The following RASIP1 variants were observed in gnomAD, a reference collection of about 807,000 sequenced individuals.
The protein encoded by RASIP1 is ras-interacting protein 1.
A neutral mutation model predicts 85.3 loss-of-function variants in RASIP1; 20 were observed. The ratio of observed to expected loss-of-function variants is 0.23; its 90% CI spans 0.17 to 0.34. The LOEUF is 0.34. Among genes scored for constraint, RASIP1 ranks in the 10% least tolerant of loss-of-function variants. The pLI is 1.00. For missense variants in RASIP1, 1,170 were observed against 1,390.9 expected (o/e 0.84, Z 2.53); for synonymous variants, 617 against 647.1 (o/e 0.95, Z 0.71).
Position 48,738,944 on chromosome 19 carries a change from C to G in RASIP1, c.823+16G>C. On this transcript the variant is annotated intron_variant, in intron 3 of 11. Transcript: ENST00000222145. This position sits in a 1 kb window ranked among gnomAD's most constrained non-coding sequence, Gnocchi z 4.0. ...TGGCACCGAGTCCCCGCCCCAGAGC[C>G]CCGCCCGCCGCTCACCTTCGCTGTC... 1 of 1,211,980 alleles carries G rather than the reference C, an allele frequency of 8.3e-7. No homozygotes were observed. Among genetic ancestry groups the G allele is most frequent in the Non-Finnish European group, 1.0e-6 (1 of 975,726 alleles). The allele number at this position is 1,211,980 out of a possible 1,614,324, so 75.1% of individuals were successfully genotyped here. A position where few individuals can be genotyped will look rare whatever the true frequency, so the allele number is the denominator to read the frequency against.
In RASIP1 at chr19:48,727,554, G is replaced by A; in HGVS notation, c.1834-124C>T. On this transcript the variant is annotated intron_variant, in intron 5 of 11. Transcript: ENST00000222145. ...CTGGTCCTACTTTTCTTAGAGATGG[G>A]GTCTTACTATGTTGCCACCGGTGGT... The A allele has an allele frequency of 6.7e-6, 7 of 1,048,064 alleles. 1 individual carries two copies. Among genetic ancestry groups the A allele is most frequent in the Middle Eastern group, 4.3e-4 (2 of 4,700 alleles). 64.9% of individuals were successfully genotyped at this position (1,048,064 alleles called of 1,614,324 possible).
chr19:48,732,964 T>C (rs1355455442), intron 4 of RASIP1, among the ~76,000 whole-genome samples: 3 of 152,236 alleles, frequency 2.0e-5, no homozygotes, highest in Non-Finnish European at 4.4e-5. Context: ...CTTGTTTAGC[T>C]TGGCTGTACC....
chr19:48,733,322 GACA>G (rs2033497040), intron 4 of RASIP1, among the ~76,000 whole-genome samples: 1 of 152,162 alleles, frequency 6.6e-6, no homozygotes, highest in Admixed American at 6.6e-5. Context: ...ACTGTGCCCA[GACA>G]ACATGTTACA....
At position 48,724,873 on chromosome 19, in the gene RASIP1, C is replaced by T. The variant is rs745926016; in HGVS notation, c.2215G>A (p.Ala739Thr). 7 of 1,614,114 alleles carry T rather than the reference C, an allele frequency of 4.3e-6. No homozygotes were observed. Among genetic ancestry groups the T allele is most frequent in the Non-Finnish European group, 5.9e-6 (7 of 1,180,056 alleles). The change falls in exon 9 of 12, where the codon GCC becomes ACC. Residue 739 changes from alanine to threonine, a missense_variant. Ala to Thr is a moderately conservative substitution (Grantham distance 58, BLOSUM62 0). Transcript: ENST00000222145. This position sits in a 1 kb window ranked among gnomAD's most constrained non-coding sequence, Gnocchi z 4.6. ...ELPGPGAELG[A>T]MPPGLRPTLG... is the part of the protein sequence containing the mutation. ...GTAGGTCTCAATCCTGGAGGCATGG[C>T]CCCCAGCTCCGCGCCAGGCCCCGGC...
chr19:48,735,924 T>A (rs1291137223), intron 3 of RASIP1, among the ~76,000 whole-genome samples: 1 of 151,654 alleles, frequency 6.6e-6, no homozygotes, highest in East Asian at 2.0e-4. Flanking sequence ...GCCTCCCAAG[T>A]AGCTGGGATT....
Position 48,720,876 on chromosome 19 carries a change from G to A in RASIP1, c.2814C>T (p.Arg938=), listed in dbSNP as rs1293660060. The part of the protein sequence containing the change: ...DALHRELRRL[R]RLLWDLEQQE... ...GCTGCTCAAGATCCCAGAGGAGGCG[G>A]CGGAGCCTACGGAGTTCACGGTGCA... is the stretch of plus-strand genomic sequence containing the variant. The change falls in exon 12 of 12, where the codon CGC becomes CGT. Residue 938 remains arginine, a synonymous_variant. Transcript: ENST00000222145. 1 of 1,614,070 alleles carries A rather than the reference G, an allele frequency of 6.2e-7. No individual in the cohort carries two copies. The highest frequency in any genetic ancestry group is 1.7e-5 in the Admixed American group (1 of 60,034).
At chr19:48,736,894 A>G (rs2033582864) in intron 3 of RASIP1, among the ~76,000 whole-genome samples, 1 of 152,082 alleles carries the variant, frequency 6.6e-6, no homozygotes, top group African/African-American at 2.4e-5. Context: ...AAAATCAGCC[A>G]GGCGTGGTAG....
Position 48,721,936 on chromosome 19 carries a change from G to A in RASIP1, c.2610C>T (p.Leu870=), listed in dbSNP as rs1184084745. The stretch of plus-strand genomic sequence containing the variant: ...GGCCAGGGCCCAGCTGATAGTGGCT[G>A]AGCAGATGGTGCAGCTGGGCGGGGG... ...TLTPAQLHHL[L]SHYQLGPGRG... is the part of the protein sequence containing the mutation. The change falls in exon 11 of 12, where the codon CTC becomes CTT. Residue 870 remains leucine, a synonymous_variant. Coordinates refer to ENST00000222145, the MANE Select transcript of RASIP1 (RefSeq NM_017805.3). 1 of 1,584,352 alleles carries A rather than the reference G, an allele frequency of 6.3e-7. No individual in the cohort carries two copies. The highest frequency in any genetic ancestry group is 8.6e-7 in the Non-Finnish European group (1 of 1,164,952).
In RASIP1 at chr19:48,740,261, C is replaced by T. The variant is rs941880305; in HGVS notation, c.22G>A (p.Glu8Lys). 1 of 1,588,666 alleles carries T rather than the reference C, an allele frequency of 6.3e-7. No homozygotes were observed. The highest frequency in any genetic ancestry group is 1.4e-5 in the African/African-American group (1 of 72,652). Residue 8 changes from glutamate to lysine, a missense_variant, in exon 2 of 12, where the codon GAG becomes AAG. Physicochemically the swap from Glu to Lys is moderately conservative, Grantham distance 56. Coordinates refer to ENST00000222145, the MANE Select transcript of RASIP1 (RefSeq NM_017805.3). The surrounding 1 kb of genome is among the most constrained non-coding windows in gnomAD (Gnocchi z 5.5). Reference sequence around the variant, plus strand: ...TTCCCGAAGCGGGGGCTTCCGCCCTCCTTCCGTTCACCAGACAGCATGGCC... The same window carrying T: ...TTCCCGAAGCGGGGGCTTCCGCCCTTCTTCCGTTCACCAGACAGCATGGCC... MLSGERKEGGSPRFGKLH... is the reference protein window; with the variant it reads MLSGERKKGGSPRFGKLH...
intron 6 of RASIP1, 46 bp from the exon 7 acceptor site, chr19:48,727,204 A>G: frequency 3.7e-6 from 6 of 1,608,024 alleles, no homozygotes; most frequent in Non-Finnish European, 5.1e-6. Flanking sequence ...AACCCTCATC[A>G]TAGTTTACAA....
At position 48,728,984 on chromosome 19, in the gene RASIP1, G is replaced by A; in HGVS notation, c.1786C>T (p.Pro596Ser). 6.9e-7 allele frequency: 1 copy of A among 1,456,486 alleles called. No individual in the cohort carries two copies. 90.2% of individuals were successfully genotyped at this position (1,456,486 alleles called of 1,614,324 possible). Reference protein sequence around the residue: ...SARELELGHLPRLLGRLARLI... With the variant: ...SARELELGHLSRLLGRLARLI... Reference sequence around the variant, plus strand: ...CGGGCCAGGCGGCCCAGCAGTCGTGGCAGGTGGCCCAGCTCCAGCTCACGG... The same window carrying A: ...CGGGCCAGGCGGCCCAGCAGTCGTGACAGGTGGCCCAGCTCCAGCTCACGG... Residue 596 changes from proline (P) to serine (S), a missense_variant, in exon 5 of 12, where the codon CCA becomes TCA. This residue lies in a region of RASIP1 where 426 missense variants were observed against 576.2 expected (regional missense o/e 0.74). Coordinates refer to ENST00000222145, the MANE Select transcript of RASIP1 (RefSeq NM_017805.3).
rs763816619 is a variant in RASIP1, at chr19:48,721,012, G to A, written c.2693-15C>T. On this transcript the variant is annotated splice_polypyrimidine_tract_variant and intron_variant, in intron 11 of 11. Transcript: ENST00000222145. ...GAAGATGTCCCCTGTGAGGCCGAAG[G>A]CGGCGCGGTTAGAGTCTGAAAGTGG... 4 of 1,575,314 alleles carry A rather than the reference G, an allele frequency of 2.5e-6. No individual in the cohort carries two copies. The African/African-American group carries it at 5.4e-5, about 21-fold the overall frequency.
Position 48,724,256 on chromosome 19 carries a change from C to A in RASIP1, c.2544+81G>T, listed in dbSNP as rs1253904200. ...GCATGGGGTTCAAGGGGAGCTCTGA[C>A]GGTGAGCTGAATATAGAAGGTGGCT... On this transcript the variant is annotated intron_variant, in intron 10 of 11. Coordinates refer to ENST00000222145, the MANE Select transcript of RASIP1 (RefSeq NM_017805.3). This position sits in a 1 kb window ranked among gnomAD's most constrained non-coding sequence, Gnocchi z 4.6. 1.0e-5 allele frequency: 15 copies of A among 1,453,846 alleles called. No homozygotes were observed. In the Admixed American group the frequency reaches 1.8e-4, roughly 17 times the overall value. 90.1% of individuals were successfully genotyped at this position (1,453,846 alleles called of 1,614,324 possible).
At position 48,739,924 on chromosome 19, in the gene RASIP1, C is replaced by T. The variant is rs1040285029; in HGVS notation, c.137+222G>A. Among the ~76,000 whole-genome samples the T allele has an allele frequency of 6.6e-6, 1 of 152,118 alleles. No homozygotes were observed. Among genetic ancestry groups the T allele is most frequent in the Non-Finnish European group, 1.5e-5 (1 of 68,004 alleles). On this transcript the variant is annotated intron_variant, in intron 2 of 11. Coordinates refer to ENST00000222145, the MANE Select transcript of RASIP1 (RefSeq NM_017805.3). This position sits in a 1 kb window ranked among gnomAD's most constrained non-coding sequence, Gnocchi z 9.2. ...AATCAATCCCCCTGCTCCTTCTGTC[C>T]CCGTCCCCGTGCCCATCCGGCCTCA... is the stretch of plus-strand genomic sequence containing the variant.
Position 48,727,134 on chromosome 19 carries a change from C to A in RASIP1, c.1896G>T (p.Val632=), listed in dbSNP as rs1339855710. 3 of 1,613,992 alleles carry A rather than the reference C, an allele frequency of 1.9e-6. No individual in the cohort carries two copies. Among genetic ancestry groups the A allele is most frequent in the South Asian group, 1.1e-5 (1 of 91,080 alleles). ...CAGACACAGCTTCAGGAGTCAGGGG[C>A]ACCTCGGGGACCCCCTCAGGGTGGC... The part of the protein sequence containing the change: ...PENHPEGVPE[V]PLTPEAVSVE... Residue 632 remains valine, a synonymous_variant, in exon 7 of 12, where the codon GTG becomes GTT. Coordinates refer to ENST00000222145, the MANE Select transcript of RASIP1 (RefSeq NM_017805.3).
chr19:48,737,272 G>A (rs1331839124), intron 3 of RASIP1, among the ~76,000 whole-genome samples: 1 of 152,166 alleles, frequency 6.6e-6, no homozygotes, highest in African/African-American at 2.4e-5. Flanking sequence ...GAATGGGTTG[G>A]AATTCAAACC....
chr19:48,730,978 C>CT (rs1459683994), intron 4 of RASIP1, among the ~76,000 whole-genome samples: 9 of 152,120 alleles, frequency 5.9e-5, no homozygotes, highest in Non-Finnish European at 8.8e-5. Flanking sequence ...GATCAGGCTA[C>CT]TGCACTCCAG....
rs139458173 is a variant in RASIP1 at position 48,735,282 on chromosome 19, C to T, written c.1093G>A (p.Asp365Asn). 3.6e-4 allele frequency: 576 copies of T among 1,614,048 alleles called. 8 individuals carry two copies. The South Asian group carries it at 4.5e-3, about 13-fold the overall frequency. Residue 365 changes from aspartate to asparagine, a missense_variant, in exon 4 of 12, where the codon GAC (aspartate) becomes AAC (asparagine). Physicochemically the swap from Asp to Asn is conservative, Grantham distance 23. Around this residue, in one of 4 missense-constraint regions of RASIP1, gnomAD observed 301 missense variants for 294.8 expected, o/e 1.02. Transcript: ENST00000222145. ...AGGCACTGAGTCAACTGATCGAAGT[C>T]CCCGGGGTCTGCAGTTCCGATTTGG... The part of the protein sequence containing the change: ...DAQIGTADPG[D>N]FDQLTQCLIQ...
Position 48,729,405 on chromosome 19 carries a change from G to C in RASIP1, c.1365C>G (p.Gly455=). ...GGCACCCGTTGTGCGTGACTGGGGCGCCCCGGGACGGGCGCACCATGGCCG... is the reference window on the plus strand; with the variant it reads ...GGCACCCGTTGTGCGTGACTGGGGCCCCCCGGGACGGGCGCACCATGGCCG... ...EHPAMVRPSR[G]APVTHNGCLL... The change falls in exon 5 of 12, where the codon GGC becomes GGG. Residue 455 remains glycine, a synonymous_variant. Transcript: ENST00000222145. The C allele has an allele frequency of 1.9e-6, 3 of 1,555,880 alleles. No individual in the cohort carries two copies. Among genetic ancestry groups the C allele is most frequent in the Non-Finnish European group, 2.6e-6 (3 of 1,150,122 alleles).
Sources: allele counts gnomAD v4.1 joint callset (sites outside exome capture counted in the v4.1 genomes callset), GRCh38; gene constraint gnomAD v4.1.1; regional missense constraint gnomAD v4.1.1; non-coding constraint Gnocchi (gnomAD v3.1); transcripts MANE v1.5; gene names NCBI Gene and HGNC (gene_info 2026-07-23, HGNC 2026-07-21).